The following DOCK1 variants were observed in gnomAD, a reference collection of about 807,000 sequenced individuals.
The protein encoded by DOCK1 is dedicator of cytokinesis 1.
DOCK1 carries 138 observed loss-of-function variants against 262.7 expected under a neutral mutation model. The ratio of observed to expected loss-of-function variants is 0.53; its 90% confidence interval spans 0.46 to 0.61. The LOEUF (loss-of-function observed/expected upper bound fraction) is 0.61. Ranked by LOEUF, DOCK1 falls within the 20% of genes least tolerant of loss-of-function variation. The pLI is 0.00. For synonymous variants in DOCK1, 866 were observed against 867.4 expected, an observed-to-expected ratio of 1.00 and a Z score of 0.03; for missense variants, 1,908 against 2,370.7, an observed-to-expected ratio of 0.80 and a Z score of 4.05.
At chr10:126,906,098 G>A (rs987120050) in intron 1 of DOCK1, among the ~76,000 whole-genome samples, 1 of 152,136 alleles carries the variant, frequency 6.6e-6, no homozygotes, top group African/African-American at 2.4e-5. Context: ...GGTGGCCAGC[G>A]CCCCTTGCCC....
chr10:127,163,283 G>A (rs1382872214), intron 27 of DOCK1, among the ~76,000 whole-genome samples: 1 of 152,090 alleles, frequency 6.6e-6, no homozygotes, highest in African/African-American at 2.4e-5. Context: ...CATGCCCAGT[G>A]AAAGTCAGTT....
chr10:127,091,117 G>A (rs2047503378), intron 23 of DOCK1, among the ~76,000 whole-genome samples: 1 of 151,894 alleles, frequency 6.6e-6, no homozygotes, highest in African/African-American at 2.4e-5. Flanking sequence ...GAGTAGCTGG[G>A]ACTACAGGTG....
At chr10:126,998,283 T>C (rs771450939) in intron 8 of DOCK1, 34 bp downstream of exon 8, 1 of 1,612,764 alleles carries the variant, frequency 6.2e-7, no homozygotes. Context: ...GTCTTTCCTC[T>C]TTGGTTAGTG....
chr10:127,148,030 CAAAAAAAAAAA>C (rs57503481), intron 27 of DOCK1, among the ~76,000 whole-genome samples: 2 of 63,276 alleles, frequency 3.2e-5, no homozygotes, highest in South Asian at 1.1e-3. Context: ...GACTCTGTCT[CAAAAAAAAAAA>C]AAAAAAAAAA....
Position 127,398,714 on chromosome 10 carries a change from AC to A in DOCK1, c.3928-4340del, listed in dbSNP as rs139307081. 4.4e-3 allele frequency among the ~76,000 whole-genome samples: 664 copies of A among 152,320 alleles called. 6 individuals carry two copies. Among genetic ancestry groups the A allele is most frequent in the African/African-American group, 0.015 (634 of 41,568 alleles). On this transcript the variant is annotated intron_variant, in intron 38 of 51. Transcript: ENST00000623213. The stretch of plus-strand genomic sequence containing the variant: ...AGGTATCTCCACTGGTGAGTTACTT[AC>A]AGCTAGTCAGCAAATGAAACCAGAG...
At chr10:127,354,929 G>A (rs1410666851) in intron 32 of DOCK1, among the ~76,000 whole-genome samples, 1 of 152,204 alleles carries the variant, frequency 6.6e-6, no homozygotes, top group Non-Finnish European at 1.5e-5. Flanking sequence ...TCTCACGGGT[G>A]GGGCAAAAAG....
At chr10:127,329,558 T>A (rs895453806) in intron 29 of DOCK1, among the ~76,000 whole-genome samples, 2 of 151,988 alleles carry the variant, frequency 1.3e-5, no homozygotes, top group African/African-American at 4.8e-5. Flanking sequence ...GCGGGGACTC[T>A]GGGGCGACCC....
intron 23 of DOCK1, among the ~76,000 whole-genome samples, chr10:127,092,128 T>G (rs2136105179): frequency 6.6e-6 from 1 of 152,310 alleles, no homozygotes; most frequent in African/African-American, 2.4e-5. Context: ...TGGCCAGAGC[T>G]GCTGTAGAAT....
intron 31 of DOCK1, among the ~76,000 whole-genome samples, chr10:127,346,083 C>A (rs1235040386): frequency 6.6e-6 from 1 of 152,342 alleles, no homozygotes; most frequent in Non-Finnish European, 1.5e-5. Context: ...TGTCCAGCGC[C>A]CGCTATTGGG....
In DOCK1 at chr10:127,178,112, G is replaced by A. The variant is rs2055352696; in HGVS notation, c.2847+50348G>A. On this transcript the variant is annotated intron_variant, in intron 27 of 51. Coordinates refer to ENST00000623213, the MANE Select transcript of DOCK1 (RefSeq NM_001290223.2). ...AGGGGGAAGAAGAGACAACTTCACA[G>A]CCACCATCTAAAAGTAAGTGACATG... Among the ~76,000 whole-genome samples, 2 of 152,154 alleles carry A rather than the reference G, an allele frequency of 1.3e-5. 1 individual carries two copies. Among genetic ancestry groups the A allele is most frequent in the South Asian group, 4.1e-4 (2 of 4,824 alleles).
At chr10:127,434,843 G>A (rs1480242069) in intron 48 of DOCK1, among the ~76,000 whole-genome samples, 3 of 151,942 alleles carry the variant, frequency 2.0e-5, no homozygotes, top group Non-Finnish European at 2.9e-5. Flanking sequence ...TAGTAGAGAC[G>A]GGGTTTCACC....
intron 29 of DOCK1, among the ~76,000 whole-genome samples, chr10:127,294,566 C>T (rs889255500): frequency 6.6e-6 from 1 of 152,098 alleles, no homozygotes; most frequent in Non-Finnish European, 1.5e-5. Flanking sequence ...AGGTGATCCA[C>T]CCACCCTGGC....
chr10:127,203,091 C>G lies in DOCK1; in HGVS notation c.2848-44917C>G, dbSNP rs148984546. Among the ~76,000 whole-genome samples the G allele has an allele frequency of 8.5e-5, 13 of 152,352 alleles. 1 individual carries two copies. In the South Asian group the frequency reaches 2.3e-3, roughly 27 times the overall value. On this transcript the variant is annotated intron_variant, in intron 27 of 51. Transcript: ENST00000623213. Reference sequence around the variant, plus strand: ...CAAATCATTTTGCATTTCGATAGCACTCTAAGCTTCCCCAATATAATTTCA... The same window carrying G: ...CAAATCATTTTGCATTTCGATAGCAGTCTAAGCTTCCCCAATATAATTTCA...
intron 22 of DOCK1, among the ~76,000 whole-genome samples, chr10:127,061,126 G>A (rs760958550): frequency 1.2e-4 from 19 of 152,170 alleles, no homozygotes; most frequent in Middle Eastern, 3.2e-3. Context: ...TACTTGGGAG[G>A]TTGAGGCAGG....
chr10:127,168,450 A>G (rs925537983), intron 27 of DOCK1, among the ~76,000 whole-genome samples: 1 of 152,184 alleles, frequency 6.6e-6, no homozygotes. Context: ...GCTGCTCACA[A>G]TGCCCTGCTT....
Position 127,020,176 on chromosome 10 carries a change from G to A in DOCK1, c.1327+1341G>A, listed in dbSNP as rs145812584. Among the ~76,000 whole-genome samples, 203 of 152,290 alleles carry A rather than the reference G, an allele frequency of 1.3e-3. 1 individual carries two copies. Among genetic ancestry groups the A allele is most frequent in the African/African-American group, 4.5e-3 (188 of 41,548 alleles). ...TGAAGCTATTGCTTGTGTGTGTCCA[G>A]TCTATATGCAGGAAATTAATTTAGG... On this transcript the variant is annotated intron_variant, in intron 13 of 51. Coordinates refer to ENST00000623213, the MANE Select transcript of DOCK1 (RefSeq NM_001290223.2).
intron 13 of DOCK1, chr10:127,019,107 G>C (rs1350377231): frequency 4.4e-6 from 2 of 459,646 alleles, no homozygotes; most frequent in Admixed American, 3.9e-5. Flanking sequence ...CAAATGTCTG[G>C]GTAGACATCA....
chr10:126,953,642 G>A (rs1309279991), intron 1 of DOCK1, among the ~76,000 whole-genome samples: 2 of 152,180 alleles, frequency 1.3e-5, no homozygotes, highest in East Asian at 3.9e-4. Context: ...TGCCTTCGTG[G>A]CATAGGCCTC....
At chr10:127,326,013 AAC>A (rs2062734249) in intron 29 of DOCK1, among the ~76,000 whole-genome samples, 1 of 152,266 alleles carries the variant, frequency 6.6e-6, no homozygotes, top group African/African-American at 2.4e-5. Flanking sequence ...GTCTTAAAAA[AAC>A]AGTGTATATA....
Sources: allele counts gnomAD v4.1 joint callset (sites outside exome capture counted in the v4.1 genomes callset), GRCh38; gene constraint gnomAD v4.1.1; transcripts MANE v1.5; gene names NCBI Gene and HGNC (gene_info 2026-07-23, HGNC 2026-07-21).